The following SRSF2 variants were observed in gnomAD, a reference collection of about 807,000 sequenced individuals.
SRSF2 encodes serine/arginine-rich splicing factor 2.
A neutral mutation model predicts 15.7 loss-of-function variants in SRSF2; 4 were observed. The ratio of observed to expected loss-of-function variants is 0.26; its 90% CI spans 0.13 to 0.58. The LOEUF is 0.58. SRSF2 is among the 20% of genes least tolerant of loss of function. The pLI is 0.90. For missense variants in SRSF2, 147 were observed against 332.4 expected, an observed-to-expected ratio of 0.44 and a Z score of 4.34; for synonymous variants, 192 against 138.9, an observed-to-expected ratio of 1.38 and a Z score of -2.69.
At chr17:76,735,486 A>C (rs1212395643) in intron 2 of SRSF2, 1 of 228,552 alleles carries the variant, frequency 4.4e-6, no homozygotes, top group Non-Finnish European at 8.7e-6. Flanking sequence ...AAATTGTTTC[A>C]AATGAAACAT....
Position 76,734,898 on chromosome 17 carries a change from T to A in SRSF2, c.*268A>T, listed in dbSNP as rs1203073757. 1 of 237,220 alleles carries A rather than the reference T, an allele frequency of 4.2e-6. No individual in the cohort carries two copies. The highest frequency in any genetic ancestry group is 6.5e-5 in the East Asian group (1 of 15,334). The allele number at this position is 237,220 out of a possible 1,614,324, so 14.7% of individuals were successfully genotyped here. A position where few individuals can be genotyped will look rare whatever the true frequency, so the allele number is the denominator to read the frequency against. ...GTCAGCACTATATAACAAAATGAAA[T>A]TTTACCTCAAATATCCAAATCCAAT... On this transcript the variant is annotated 3_prime_UTR_variant, in exon 3 of 3. Coordinates refer to ENST00000359995, the MANE Select transcript of SRSF2 (RefSeq NM_001195427.2).
At chr17:76,736,690 C>T in intron 1 of SRSF2, 109 bp downstream of exon 1, 1 of 1,282,584 alleles carries the variant, frequency 7.8e-7, no homozygotes. Context: ...GCGTGCACCC[C>T]CGCCCCGTCC....
intron 2 of SRSF2, 62 bp downstream of exon 2, chr17:76,736,092 A>T (rs2077450952): frequency 7.4e-6 from 11 of 1,493,992 alleles, no homozygotes; most frequent in Admixed American, 4.3e-5. Flanking sequence ...ACGACTCAAA[A>T]AGACCTACCC....
rs766090246 is a variant in SRSF2 at position 76,736,933 on chromosome 17, G to A, written c.228C>T (p.Asp76=). ...RDAEDAMDAM[D]GAVLDGRELR... is the part of the protein sequence containing the mutation. Reference sequence around the variant, plus strand: ...GCTCGCGGCCGTCCAGCACGGCCCCGTCCATGGCATCCATAGCGTCCTCAG... The same window carrying A: ...GCTCGCGGCCGTCCAGCACGGCCCCATCCATGGCATCCATAGCGTCCTCAG... The change falls in exon 1 of 3, where the codon GAC becomes GAT. Residue 76 remains aspartate, a synonymous_variant. Transcript: ENST00000359995. 3 of 1,613,104 alleles carry A rather than the reference G, an allele frequency of 1.9e-6. No homozygotes were observed. The highest frequency in any genetic ancestry group is 2.2e-5 in the East Asian group (1 of 44,884).
chr17:76,737,338 G>C (rs2077567849), upstream of SRSF2: 4 of 810,326 alleles, frequency 4.9e-6, no homozygotes, highest in Non-Finnish European at 5.5e-6. Flanking sequence ...AACTGGGCGG[G>C]CAGCCGGCCT....
chr17:76,735,506 G>C (rs2077418794), intron 2 of SRSF2: 1 of 228,500 alleles, frequency 4.4e-6, no homozygotes, highest in East Asian at 6.3e-5. Flanking sequence ...TTTGGTAATT[G>C]AGAATACTAC....
rs184792585 is a variant in SRSF2 at position 76,737,299 on chromosome 17, G to C, written c.-139C>G. On this transcript the variant is annotated 5_prime_UTR_variant, in exon 1 of 3. Transcript: ENST00000359995. The stretch of plus-strand genomic sequence containing the variant: ...GCCTTGCCGCAGAACAGCACGGACG[G>C]GCTCCGCAGGCTAGCGCACCTGAGT... 49 of 1,200,652 alleles carry C rather than the reference G, an allele frequency of 4.1e-5. No homozygotes were observed. Among genetic ancestry groups the C allele is most frequent in the Middle Eastern group, 2.9e-4 (1 of 3,472 alleles). The allele number at this position is 1,200,652 out of a possible 1,614,324, so 74.4% of individuals were successfully genotyped here.
At position 76,734,183 on chromosome 17, in the gene SRSF2, T is replaced by A. The variant is rs2077371471; in HGVS notation, c.*983A>T. The A allele has an allele frequency of 4.6e-6, 1 of 215,644 alleles. No homozygotes were observed. The allele number at this position is 215,644 out of a possible 1,614,324, so 13.4% of individuals were successfully genotyped here. A position where few individuals can be genotyped will look rare whatever the true frequency, so the allele number is the denominator to read the frequency against. On this transcript the variant is annotated 3_prime_UTR_variant, in exon 3 of 3. Transcript: ENST00000359995. ...CAGAAACAATGGTTATAATACAGAA[T>A]ATTCATAAGCAAAAAGATACACCAT... is the stretch of plus-strand genomic sequence containing the variant.
In SRSF2 at chr17:76,736,380, A is replaced by C; in HGVS notation, c.447T>G (p.Ser149=). 1 of 1,614,030 alleles carries C rather than the reference A, an allele frequency of 6.2e-7. No individual in the cohort carries two copies. The highest frequency in any genetic ancestry group is 1.1e-5 in the South Asian group (1 of 91,074). Residue 149 remains serine (S), a synonymous_variant, in exon 2 of 3, where the codon TCT becomes TCG. Coordinates refer to ENST00000359995, the MANE Select transcript of SRSF2 (RefSeq NM_001195427.2). The part of the protein sequence containing the change: ...RSRSRYSRSK[S]RSRTRSRSRS... ...GAGATCGAGAACGAGTGCGGGACCG[A>C]GACTTCGAGCGGCTGTAGCGAGATC...
rs148089239 is a variant in SRSF2, at chr17:76,737,074, C to G, written c.87G>C (p.Thr29=). 5.6e-6 allele frequency: 9 copies of G among 1,612,730 alleles called. No homozygotes were observed. The African/African-American group carries it at 1.1e-4, about 19-fold the overall frequency. The change falls in exon 1 of 3, where the codon ACG becomes ACC. Residue 29 remains threonine, a synonymous_variant. Transcript: ENST00000359995. The part of the protein sequence containing the change: ...DNLTYRTSPD[T]LRRVFEKYGR... ...CGTACTTCTCGAAGACGCGCCTCAG[C>G]GTGTCGGGCGAGGTGCGGTAGGTCA...
In SRSF2 at chr17:76,734,304, G is replaced by A. The variant is rs552150735; in HGVS notation, c.*862C>T. On this transcript the variant is annotated 3_prime_UTR_variant, in exon 3 of 3. Transcript: ENST00000359995. ...ATATGATCAGATTTACCATTTTTAG[G>A]GGGAAGAGGGAAAAAAAGGTGTATT... 2 of 231,360 alleles carry A rather than the reference G, an allele frequency of 8.6e-6. No individual in the cohort carries two copies. The highest frequency in any genetic ancestry group is 4.4e-5 in the African/African-American group (2 of 45,054). The allele number at this position is 231,360 out of a possible 1,614,324, so 14.3% of individuals were successfully genotyped here.
chr17:76,736,994 C>G lies in SRSF2; in HGVS notation c.167G>C (p.Gly56Ala). The G allele has an allele frequency of 6.2e-7, 1 of 1,613,458 alleles. No homozygotes were observed. Among genetic ancestry groups the G allele is most frequent in the Non-Finnish European group, 8.5e-7 (1 of 1,179,904 alleles). The change falls in exon 1 of 3, where the codon GGC (glycine) becomes GCC (alanine). Residue 56 changes from glycine (G) to alanine (A), a missense_variant. This residue lies in a region of SRSF2 where 22 missense variants were observed against 147.3 expected (regional missense o/e 0.15). Coordinates refer to ENST00000359995, the MANE Select transcript of SRSF2 (RefSeq NM_001195427.2). ...GTCGTGAAAGCGAACGAAGGCGAAGCCGCGGGACTCCTTGGTGTAGCGGTC... is the reference window on the plus strand; with the variant it reads ...GTCGTGAAAGCGAACGAAGGCGAAGGCGCGGGACTCCTTGGTGTAGCGGTC... Reference protein sequence around the residue: ...PRDRYTKESRGFAFVRFHDKR... With the variant: ...PRDRYTKESRAFAFVRFHDKR...
rs1226632243 is a variant in SRSF2, at chr17:76,735,510, A to G, written c.*8-352T>C. The G allele has an allele frequency of 7.4e-5, 17 of 229,678 alleles. 1 individual carries two copies. In the Admixed American group the frequency reaches 7.9e-4, roughly 11 times the overall value. 14.2% of individuals were successfully genotyped at this position (229,678 alleles called of 1,614,324 possible). A position where few individuals can be genotyped will look rare whatever the true frequency, so the allele number is the denominator to read the frequency against. On this transcript the variant is annotated intron_variant, in intron 2 of 2. Transcript: ENST00000359995. Reference sequence around the variant, plus strand: ...CAAATGAAACATTTGGTAATTGAGAATACTACTTTAATATCTGAGCTACTT... The same window carrying G: ...CAAATGAAACATTTGGTAATTGAGAGTACTACTTTAATATCTGAGCTACTT...
chr17:76,736,122 A>C lies in SRSF2; in HGVS notation c.*7+32T>G, dbSNP rs2077453615. 3.2e-6 allele frequency: 5 copies of C among 1,543,138 alleles called. No individual in the cohort carries two copies. The South Asian group carries it at 6.2e-5, about 19-fold the overall frequency. On this transcript the variant is annotated intron_variant, in intron 2 of 2. Coordinates refer to ENST00000359995, the MANE Select transcript of SRSF2 (RefSeq NM_001195427.2). ...CTACCCCAAATCCCATTTATGAATTAGGGTTATGTGTCTCGGATTCCCAGA... is the reference window on the plus strand; with the variant it reads ...CTACCCCAAATCCCATTTATGAATTCGGGTTATGTGTCTCGGATTCCCAGA...
chr17:76,736,513 G>A lies in SRSF2; in HGVS notation c.363-49C>T, dbSNP rs559151830. The A allele has an allele frequency of 8.3e-6, 13 of 1,566,178 alleles. No individual in the cohort carries two copies. The South Asian group carries it at 1.1e-4, about 14-fold the overall frequency. On this transcript the variant is annotated intron_variant, in intron 1 of 2. Transcript: ENST00000359995. ...AGCGGGGTTAATTCCAGGCAGCGGG[G>A]CCGGCCCCGCCCGCGCGCTCCCGCC...
chr17:76,736,700 C>A lies in SRSF2; in HGVS notation c.362+99G>T. ...ACGCGGCGTGCACCCCCGCCCCGTC[C>A]GGGCCCGCACCACGTGCTTCGCCGC... On this transcript the variant is annotated intron_variant, in intron 1 of 2. Transcript: ENST00000359995. The A allele has an allele frequency of 3.0e-6, 4 of 1,312,178 alleles. No homozygotes were observed. In the South Asian group the frequency reaches 7.6e-5, roughly 25 times the overall value. 81.3% of individuals were successfully genotyped at this position (1,312,178 alleles called of 1,614,324 possible).
rs1159844361 is a variant in SRSF2, at chr17:76,737,300, G to C, written c.-140C>G. Reference sequence around the variant, plus strand: ...CCTTGCCGCAGAACAGCACGGACGGGCTCCGCAGGCTAGCGCACCTGAGTA... The same window carrying C: ...CCTTGCCGCAGAACAGCACGGACGGCCTCCGCAGGCTAGCGCACCTGAGTA... On this transcript the variant is annotated 5_prime_UTR_variant, in exon 1 of 3. Coordinates refer to ENST00000359995, the MANE Select transcript of SRSF2 (RefSeq NM_001195427.2). 6 of 1,199,738 alleles carry C rather than the reference G, an allele frequency of 5.0e-6. No homozygotes were observed. Among genetic ancestry groups the C allele is most frequent in the African/African-American group, 4.6e-5 (3 of 64,804 alleles). 74.3% of individuals were successfully genotyped at this position (1,199,738 alleles called of 1,614,324 possible).
chr17:76,737,197 G>C lies in SRSF2; in HGVS notation c.-37C>G, dbSNP rs2077549184. On this transcript the variant is annotated 5_prime_UTR_variant, in exon 1 of 3. Transcript: ENST00000359995. ...GCGGCCCGGAGCCCCGCGAACTGGCGCCGGCTTCCTCAGCTCTGGGCGGTG... is the reference window on the plus strand; with the variant it reads ...GCGGCCCGGAGCCCCGCGAACTGGCCCCGGCTTCCTCAGCTCTGGGCGGTG... 2 of 1,509,786 alleles carry C rather than the reference G, an allele frequency of 1.3e-6. No homozygotes were observed. The highest frequency in any genetic ancestry group is 4.9e-5 in the East Asian group (2 of 41,194). 93.5% of individuals were successfully genotyped at this position (1,509,786 alleles called of 1,614,324 possible).
intron 2 of SRSF2, chr17:76,735,952 T>A (rs2077441880): frequency 1.6e-6 from 1 of 621,530 alleles, no homozygotes; most frequent in East Asian, 2.8e-5. Flanking sequence ...CTCAAACAGT[T>A]TACGAAACAG....
Sources: gnomAD v4.1 joint callset for allele counts on GRCh38, gnomAD v4.1.1 for gene constraint, gnomAD v4.1.1 regional missense constraint, MANE v1.5 for transcripts, NCBI Gene and HGNC (gene_info 2026-07-23, HGNC 2026-07-21) for gene names.